BANF2: variants seen among roughly 807,000 people sequenced by gnomAD.
BANF2 encodes BANF family member 2.
BANF2 carries 4 observed loss-of-function variants against 8.0 expected under a neutral mutation model. The ratio of observed to expected loss-of-function variants is 0.50; its 90% CI spans 0.25 to 1.14. The LOEUF (loss-of-function observed/expected upper bound fraction) is 1.14. Among genes scored for constraint, BANF2 ranks in the 50% most tolerant of loss-of-function variants. BANF2 has a pLI of 0.16. For synonymous variants in BANF2, 50 were observed against 40.6 expected (o/e 1.23, Z -0.88); for missense variants, 96 against 107.5 (o/e 0.89, Z 0.47).
intron 3 of BANF2, among the ~76,000 whole-genome samples, chr20:17,734,077 CA>C (rs1283142878): frequency 6.6e-6 from 1 of 152,202 alleles, no homozygotes; most frequent in Non-Finnish European, 1.5e-5. Context: ...CAGCCTCCAC[CA>C]TTTAGTGGCT....
At chr20:17,700,882 C>G (rs570556146) in intron 1 of BANF2, among the ~76,000 whole-genome samples, 15 of 152,324 alleles carry the variant, frequency 9.8e-5, no homozygotes, top group African/African-American at 3.6e-4. Flanking sequence ...CACAGTCTGT[C>G]TACGGTCCAT....
chr20:17,713,837 A>G (rs2037611482), intron 1 of BANF2, among the ~76,000 whole-genome samples: 1 of 152,070 alleles, frequency 6.6e-6, no homozygotes, highest in African/African-American at 2.4e-5. Context: ...TCCATCTCAA[A>G]AATAAAAAAT....
chr20:17,730,289 G>A (rs2037873560), intron 3 of BANF2, among the ~76,000 whole-genome samples: 1 of 152,182 alleles, frequency 6.6e-6, no homozygotes, highest in African/African-American at 2.4e-5. Context: ...ATCACATGGG[G>A]TGGTGACAGA....
At chr20:17,720,840 G>A (rs1296930998) in intron 1 of BANF2, among the ~76,000 whole-genome samples, 1 of 152,242 alleles carries the variant, frequency 6.6e-6, no homozygotes, top group Non-Finnish European at 1.5e-5. Context: ...AACATAAAAA[G>A]AGTAAGTGGC....
chr20:17,721,844 G>A (rs2037734457), intron 1 of BANF2, among the ~76,000 whole-genome samples: 1 of 152,208 alleles, frequency 6.6e-6, no homozygotes, highest in Non-Finnish European at 1.5e-5. Context: ...AGACCACATG[G>A]GGCAGGATTT....
chr20:17,711,788 G>T (rs184028418), intron 1 of BANF2, among the ~76,000 whole-genome samples: 218 of 152,314 alleles, frequency 1.4e-3, no homozygotes, highest in African/African-American at 4.8e-3. Flanking sequence ...ACGCATTGAG[G>T]TTCCCTGCAA....
At chr20:17,705,744 T>A (rs2037472803) in intron 1 of BANF2, among the ~76,000 whole-genome samples, 1 of 152,204 alleles carries the variant, frequency 6.6e-6, no homozygotes, top group Admixed American at 6.5e-5. Context: ...GGAAAGTGAT[T>A]TGGGCAAGGT....
At chr20:17,722,530 T>C (rs1036843325) in intron 1 of BANF2, among the ~76,000 whole-genome samples, 186 bp from the exon 2 acceptor site, 4 of 152,246 alleles carry the variant, frequency 2.6e-5, no homozygotes, top group African/African-American at 4.8e-5. Context: ...TGAGGCGTTC[T>C]CCTGTTAACA....
chr20:17,718,180 T>G (rs2037681995), intron 1 of BANF2, among the ~76,000 whole-genome samples: 2 of 152,104 alleles, frequency 1.3e-5, no homozygotes, highest in African/African-American at 4.8e-5. Context: ...AGTCACTTTT[T>G]GTGTTGTAGA....
chr20:17,731,606 T>G (rs2037894609), intron 3 of BANF2: 1 of 151,380 alleles, frequency 6.6e-6, no homozygotes, highest in Non-Finnish European at 1.5e-5. Flanking sequence ...AGTTCAAATT[T>G]ATTAGGGGGT....
intron 1 of BANF2, among the ~76,000 whole-genome samples, chr20:17,707,212 T>G (rs2037493725): frequency 7.3e-6 from 1 of 137,790 alleles, no homozygotes. Flanking sequence ...TGAAACCCCA[T>G]CTCTACTAAA....
At chr20:17,727,333 C>G (rs375876464) in intron 3 of BANF2, among the ~76,000 whole-genome samples, 17 of 152,220 alleles carry the variant, frequency 1.1e-4, no homozygotes, top group African/African-American at 4.1e-4. Flanking sequence ...CGCCCACACC[C>G]GTGATTGAGA....
chr20:17,727,488 G>C (rs532982428), intron 3 of BANF2, among the ~76,000 whole-genome samples: 3 of 152,156 alleles, frequency 2.0e-5, no homozygotes, highest in African/African-American at 7.2e-5. Context: ...GGTTATGCCC[G>C]GCAGGGAGGA....
At chr20:17,700,192 C>G (rs1265403245) in intron 1 of BANF2, 137 bp downstream of exon 1, 1 of 185,380 alleles carries the variant, frequency 5.4e-6, no homozygotes, top group Non-Finnish European at 1.0e-5. Context: ...AGGTAAGCCC[C>G]AAACTCTTCC....
At position 17,722,795 on chromosome 20, in the gene BANF2, G is replaced by A. The variant is rs879745509; in HGVS notation, c.-87G>A. 38 of 984,588 alleles carry A rather than the reference G, an allele frequency of 3.9e-5. No homozygotes were observed. Among genetic ancestry groups the A allele is most frequent in the African/African-American group, 1.9e-4 (11 of 57,154 alleles). The allele number at this position is 984,588 out of a possible 1,614,324, so 61.0% of individuals were successfully genotyped here. A position where few individuals can be genotyped will look rare whatever the true frequency, so the allele number is the denominator to read the frequency against. The stretch of plus-strand genomic sequence containing the variant: ...CAGTGCCTTTGGATTCATCTCTTCC[G>A]GGAGAGTTCAGTGTCTTCTGAAATG... On this transcript the variant is annotated 5_prime_UTR_variant, in exon 2 of 4. Coordinates refer to ENST00000246090, the MANE Select transcript of BANF2 (RefSeq NM_178477.5).
chr20:17,723,038 C>T (rs546409912), intron 2 of BANF2, among the ~76,000 whole-genome samples, 160 bp downstream of exon 2: 12 of 152,254 alleles, frequency 7.9e-5, no homozygotes, highest in African/African-American at 1.7e-4. Flanking sequence ...TGCAGCCCTT[C>T]GGGGCTTCAT....
intron 3 of BANF2, among the ~76,000 whole-genome samples, chr20:17,732,823 G>T (rs914933035): frequency 1.3e-5 from 2 of 152,200 alleles, no homozygotes; most frequent in Admixed American, 6.5e-5. Context: ...TCTGGCCCAA[G>T]GAGGGAAAGG....
upstream of BANF2, chr20:17,699,857 C>A: frequency 2.8e-6 from 1 of 354,534 alleles, no homozygotes; most frequent in Non-Finnish European, 3.9e-6. Context: ...TGCCCTGTGC[C>A]CTGATGCCAG....
intron 1 of BANF2, among the ~76,000 whole-genome samples, chr20:17,714,888 C>T (rs934753044): frequency 6.6e-6 from 1 of 152,040 alleles, no homozygotes; most frequent in Admixed American, 6.6e-5. Flanking sequence ...CGCCCTGTGC[C>T]CCCAAAAAGA....
Sources: allele counts gnomAD v4.1 joint callset (sites outside exome capture counted in the v4.1 genomes callset), GRCh38; gene constraint gnomAD v4.1.1; transcripts MANE v1.5; gene names NCBI Gene and HGNC (gene_info 2026-07-23, HGNC 2026-07-21).